The following FBN2 variants were observed in gnomAD, a reference collection of about 807,000 sequenced individuals.
FBN2 encodes the protein fibrillin 2, also known as fibrillin-2.
FBN2 carries 105 observed loss-of-function variants against 355.6 expected under a neutral mutation model. The ratio of observed to expected loss-of-function variants is 0.30; its 90% confidence interval spans 0.25 to 0.35. The LOEUF (loss-of-function observed/expected upper bound fraction) is 0.35. Ranked by LOEUF, FBN2 falls within the 10% of genes least tolerant of loss-of-function variation. The pLI, the probability that FBN2 is intolerant of heterozygous loss-of-function variation, is 1.00. For missense variants in FBN2, 3,280 were observed against 3,758.7 expected, an observed-to-expected ratio of 0.87 and a Z score of 3.33; for synonymous variants, 1,350 against 1,301.2, an observed-to-expected ratio of 1.04 and a Z score of -0.81.
At chr5:128,511,995 A>C (rs1182734674) in intron 5 of FBN2, among the ~76,000 whole-genome samples, 1 of 152,216 alleles carries the variant, frequency 6.6e-6, no homozygotes, top group African/African-American at 2.4e-5. Flanking sequence ...TAATAGGAAC[A>C]CTGACATTTA....
intron 6 of FBN2, among the ~76,000 whole-genome samples, chr5:128,459,763 TC>T (rs1409661626): frequency 6.6e-6 from 1 of 152,136 alleles, no homozygotes; most frequent in East Asian, 1.9e-4. Context: ...AAAGTCAACA[TC>T]CGTTCATGTT....
intron 8 of FBN2, among the ~76,000 whole-genome samples, chr5:128,397,811 T>C (rs1249950251): frequency 1.3e-5 from 2 of 152,124 alleles, no homozygotes; most frequent in African/African-American, 4.8e-5. Context: ...AGACTGTGAA[T>C]TTCAACTCTG....
intron 48 of FBN2, among the ~76,000 whole-genome samples, chr5:128,299,147 G>T (rs928404174): frequency 6.6e-6 from 1 of 151,988 alleles, no homozygotes; most frequent in South Asian, 2.1e-4. Flanking sequence ...GGCTGCTCGG[G>T]GGTCAGGGGT....
chr5:128,344,723 A>C (rs1330455103), intron 24 of FBN2, among the ~76,000 whole-genome samples: 2 of 149,710 alleles, frequency 1.3e-5, no homozygotes, highest in African/African-American at 4.9e-5. Context: ...TTTTTGAGAC[A>C]GAGTTTCACT....
chr5:128,291,707 T>C (rs1213690427), intron 48 of FBN2, 53 bp from the exon 49 acceptor site: 17 of 1,529,266 alleles, frequency 1.1e-5, no homozygotes, highest in African/African-American at 5.5e-5. Context: ...AAATAAACAA[T>C]TGTCCATACT....
rs372206279 is a variant in FBN2, at chr5:128,261,795, C to T, written c.8305G>A (p.Gly2769Ser). The T allele has an allele frequency of 6.3e-5, 101 of 1,614,068 alleles. No individual in the cohort carries two copies. The highest frequency in any genetic ancestry group is 1.6e-4 in the Middle Eastern group (1 of 6,084). ...TGCCTGCTGTCTTTCTTAGAATAGC[C>T]GTTGATTTTGCACTCGTAGCATGCT... ...PEACYECKIN[G>S]YSKKDSRQKR... Residue 2769 changes from glycine to serine, a missense_variant, in exon 64 of 65, where the codon GGC (glycine) becomes AGC (serine). Gly to Ser is a moderately conservative substitution (Grantham distance 56, BLOSUM62 0). Transcript: ENST00000262464.
chr5:128,507,880 T>C (rs1159764240), intron 5 of FBN2, among the ~76,000 whole-genome samples: 2 of 152,068 alleles, frequency 1.3e-5, no homozygotes, highest in African/African-American at 2.4e-5. Context: ...TACTGAAATC[T>C]CCATTAATTA....
chr5:128,477,234 A>G (rs1324903103), intron 5 of FBN2, among the ~76,000 whole-genome samples: 1 of 152,206 alleles, frequency 6.6e-6, no homozygotes, highest in Admixed American at 6.5e-5. Flanking sequence ...CTTAGTGGCT[A>G]CTGTCCTGGA....
intron 11 of FBN2, among the ~76,000 whole-genome samples, chr5:128,389,860 AGGG>A (rs1447280438): frequency 6.6e-6 from 1 of 152,128 alleles, no homozygotes; most frequent in Non-Finnish European, 1.5e-5. Flanking sequence ...ACTTCAGTCC[AGGG>A]TCTGTGTGCT....
intron 34 of FBN2, among the ~76,000 whole-genome samples, chr5:128,320,548 C>A (rs372376543): frequency 1.3e-5 from 2 of 152,174 alleles, no homozygotes; most frequent in Non-Finnish European, 2.9e-5. Flanking sequence ...TTAGAAATTT[C>A]TTCCACCTAA....
intron 34 of FBN2, among the ~76,000 whole-genome samples, chr5:128,322,459 G>A (rs184579620): frequency 5.9e-5 from 9 of 152,232 alleles, no homozygotes; most frequent in Admixed American, 2.0e-4. Context: ...GTTAACTTTC[G>A]TATAAGGGGA....
Position 128,384,713 on chromosome 5 carries a change from G to A in FBN2, c.1604-5823C>T, listed in dbSNP as rs138510361. The stretch of plus-strand genomic sequence containing the variant: ...ACAGGGTACATGGGCTGGGAAAACT[G>A]GAGAAAATATTCAAGTGGCACCTGG... On this transcript the variant is annotated intron_variant, in intron 11 of 64. Transcript: ENST00000262464. 2.0e-3 allele frequency among the ~76,000 whole-genome samples: 307 copies of A among 152,116 alleles called. 1 individual carries two copies. The highest frequency in any genetic ancestry group is 5.8e-3 in the South Asian group (28 of 4,818).
chr5:128,456,408 C>T (rs1754396401), intron 6 of FBN2, among the ~76,000 whole-genome samples: 1 of 152,206 alleles, frequency 6.6e-6, no homozygotes. Flanking sequence ...AGTGGGTTTC[C>T]CCCCAGCAAA....
At chr5:128,379,976 C>T (rs1417821716) in intron 11 of FBN2, among the ~76,000 whole-genome samples, 1 of 152,056 alleles carries the variant, frequency 6.6e-6, no homozygotes, top group East Asian at 1.9e-4. Flanking sequence ...TGTACTGTAT[C>T]AAACCCACCA....
chr5:128,370,395 G>T (rs1025974303), intron 15 of FBN2, among the ~76,000 whole-genome samples: 7 of 152,014 alleles, frequency 4.6e-5, no homozygotes, highest in African/African-American at 1.5e-4. Flanking sequence ...AATTTCTTAT[G>T]ACCTGGGGGC....
At chr5:128,299,362 C>G (rs1749641368) in intron 48 of FBN2, among the ~76,000 whole-genome samples, 1 of 150,458 alleles carries the variant, frequency 6.6e-6, no homozygotes, top group South Asian at 2.1e-4. Flanking sequence ...GGGCTCCAAA[C>G]AGTTCGAGCT....
intron 7 of FBN2, among the ~76,000 whole-genome samples, chr5:128,420,432 T>C (rs945443263): frequency 6.6e-6 from 1 of 152,222 alleles, no homozygotes; most frequent in African/African-American, 2.4e-5. Flanking sequence ...TTTTTTCCCA[T>C]ACAGCATAAA....
rs1470206434 is a variant in FBN2 at position 128,491,647 on chromosome 5, T to C, written c.629-26726A>G. On this transcript the variant is annotated intron_variant, in intron 5 of 64. Transcript: ENST00000262464. ...GAATTAACTTTATTTCTTCCATAGC[T>C]GCTCCAAAATCTGAAGAGGGTAATT... 2.0e-5 allele frequency among the ~76,000 whole-genome samples: 3 copies of C among 152,210 alleles called. No homozygotes were observed. The East Asian group carries it at 5.8e-4, about 29-fold the overall frequency.
chr5:128,457,433 A>C (rs1754423316), intron 6 of FBN2, among the ~76,000 whole-genome samples: 1 of 152,176 alleles, frequency 6.6e-6, no homozygotes, highest in Admixed American at 6.5e-5. Flanking sequence ...CCAACAGGCA[A>C]ATTCAGGAAA....
Sources: gnomAD v4.1 joint callset for allele counts (sites outside exome capture counted in the v4.1 genomes callset) on GRCh38, gnomAD v4.1.1 for gene constraint, MANE v1.5 for transcripts, NCBI Gene and HGNC (gene_info 2026-07-23, HGNC 2026-07-21) for gene names.